ZNF20: variants seen among roughly 807,000 people sequenced by gnomAD.
ZNF20 encodes zinc finger protein KOX13.
In ZNF20, 9 loss-of-function variants were observed where a neutral mutation model predicts 11.0. That is an observed-to-expected ratio of 0.82 (90% CI 0.49 to 1.43). ZNF20 has a LOEUF of 1.43. Ranked by LOEUF, ZNF20 falls within the 40% of genes most tolerant of loss-of-function variation. The pLI is 0.00. For synonymous variants in ZNF20, 182 were observed against 213.0 expected (o/e 0.85, Z 1.27); for missense variants, 528 against 640.8 (o/e 0.82, Z 1.90).
chr19:12,134,739 G>C (rs1356106093), intron 3 of ZNF20, among the ~76,000 whole-genome samples: 1 of 152,152 alleles, frequency 6.6e-6, no homozygotes, highest in African/African-American at 2.4e-5. Context: ...TGCTCTGTCT[G>C]AATCATTTGA....
chr19:12,133,356 T>G lies in ZNF20; in HGVS notation c.830A>C (p.His277Pro). ...PSEIRRHKRS[H>P]TGEKPYECKQ... ...ACACTCATAGGGTTTTTCTCCAGTG[T>G]GAGACCTTTTATGTCTACGAATTTC... Residue 277 changes from histidine (H) to proline (P), a missense_variant, in exon 4 of 4, where the codon CAC becomes CCC. Transcript: ENST00000334213. 1 of 1,614,258 alleles carries G rather than the reference T, an allele frequency of 6.2e-7. No homozygotes were observed. Among genetic ancestry groups the G allele is most frequent in the South Asian group, 1.1e-5 (1 of 91,092 alleles).
In ZNF20 at chr19:12,133,179, T is replaced by C; in HGVS notation, c.1007A>G (p.Glu336Gly). 1 of 1,613,898 alleles carries C rather than the reference T, an allele frequency of 6.2e-7. No homozygotes were observed. The highest frequency in any genetic ancestry group is 8.5e-7 in the Non-Finnish European group (1 of 1,179,768). The change falls in exon 4 of 4, where the codon GAG (glutamate) becomes GGG (glycine). Residue 336 changes from glutamate (E) to glycine (G), a missense_variant. Glu to Gly is a moderately conservative substitution (Grantham distance 98). Coordinates refer to ENST00000334213, the MANE Select transcript of ZNF20 (RefSeq NM_021143.4). ...LQKHGRTHTG[E>G]KPYECRQCGK... ...ACATTGCCTACATTCATAGGGTTTC[T>C]CTCCAGTGTGAGTCCTTCCATGCTT...
At position 12,133,025 on chromosome 19, in the gene ZNF20, C is replaced by T. The variant is rs1976648895; in HGVS notation, c.1161G>A (p.Arg387=). The change falls in exon 4 of 4, where the codon AGG becomes AGA. Residue 387 remains arginine, a synonymous_variant. Transcript: ENST00000334213. ...RCASQLQIHE[R]THSGEKPHEC... is the part of the protein sequence containing the mutation. The stretch of plus-strand genomic sequence containing the variant: ...CATGGGGTTTCTCTCCACTGTGCGT[C>T]CTTTCATGAATTTGAAGTTGTGAAG... 6.2e-7 allele frequency: 1 copy of T among 1,613,910 alleles called. No individual in the cohort carries two copies. The highest frequency in any genetic ancestry group is 1.7e-5 in the Admixed American group (1 of 59,998).
chr19:12,133,711 G>A lies in ZNF20; in HGVS notation c.475C>T (p.Gln159Ter). 1 of 1,614,176 alleles carries A rather than the reference G, an allele frequency of 6.2e-7. No individual in the cohort carries two copies. The highest frequency in any genetic ancestry group is 8.5e-7 in the Non-Finnish European group (1 of 1,180,026). ...KKAFSYLDSF[Q>*]SHDKACTKEK... ...TTAGTGCAAGCTTTATCATGTGATT[G>A]AAAGGAGTCAAGATAACTGAAGGCT... The change falls in exon 4 of 4, where the codon CAA (glutamine) becomes TAA (stop). Residue 159 changes from glutamine to a stop codon, truncating the protein, a stop_gained. Coordinates refer to ENST00000334213, the MANE Select transcript of ZNF20 (RefSeq NM_021143.4). LOFTEE classifies it low-confidence loss of function (END_TRUNC).
Position 12,139,051 on chromosome 19 carries a change from T to C in ZNF20, c.3+1129A>G, listed in dbSNP as rs1022596569. ...AGCAGCAATTAGACTGAAGTGTGTTTAGTGCTATAAGAAACTACCTAAGGA... is the reference window on the plus strand; with the variant it reads ...AGCAGCAATTAGACTGAAGTGTGTTCAGTGCTATAAGAAACTACCTAAGGA... On this transcript the variant is annotated intron_variant, in intron 1 of 3. Coordinates refer to ENST00000334213, the MANE Select transcript of ZNF20 (RefSeq NM_021143.4). This position sits in a 1 kb window ranked among gnomAD's most constrained non-coding sequence, Gnocchi z 4.0. 3.9e-5 allele frequency among the ~76,000 whole-genome samples: 6 copies of C among 152,180 alleles called. No individual in the cohort carries two copies. The highest frequency in any genetic ancestry group is 2.0e-4 in the Admixed American group (3 of 15,268).
rs557009025 is a variant in ZNF20, at chr19:12,132,311, C to T, written c.*276G>A. ...AAGAATCAGGAAAATGGGCTGGAAG[C>T]GGGTAGCCACACACCTCTCTCCCTG... On this transcript the variant is annotated 3_prime_UTR_variant, in exon 4 of 4. Transcript: ENST00000334213. 93 of 359,486 alleles carry T rather than the reference C, an allele frequency of 2.6e-4. No homozygotes were observed. The highest frequency in any genetic ancestry group is 3.9e-4 in the Non-Finnish European group (79 of 200,624). The allele number at this position is 359,486 out of a possible 1,614,324, so 22.3% of individuals were successfully genotyped here. A position where few individuals can be genotyped will look rare whatever the true frequency, so the allele number is the denominator to read the frequency against.
intron 1 of ZNF20, among the ~76,000 whole-genome samples, chr19:12,138,845 T>C (rs1024167289): frequency 4.6e-5 from 7 of 151,946 alleles, no homozygotes; most frequent in Non-Finnish European, 1.0e-4. Flanking sequence ...TTGATAATAC[T>C]GTGAGTTGGA....
chr19:12,138,762 T>C (rs1976752755), intron 1 of ZNF20, among the ~76,000 whole-genome samples: 1 of 151,882 alleles, frequency 6.6e-6, no homozygotes, highest in African/African-American at 2.4e-5. Context: ...GAGGTTGCAA[T>C]GAGCCAAGAT....
At chr19:12,136,595 G>A (rs1441941216) in intron 1 of ZNF20, among the ~76,000 whole-genome samples, 4 of 151,988 alleles carry the variant, frequency 2.6e-5, no homozygotes, top group Admixed American at 2.0e-4. Context: ...GCTGAGGCAG[G>A]AGAATCACTT....
intron 3 of ZNF20, among the ~76,000 whole-genome samples, chr19:12,134,342 TA>T (rs1322772299): frequency 6.7e-6 from 1 of 148,744 alleles, no homozygotes; most frequent in African/African-American, 2.5e-5. Flanking sequence ...AATAAAAAAA[TA>T]AAAAAGTGAT....
chr19:12,139,902 G>A lies in ZNF20; in HGVS notation c.3+278C>T, dbSNP rs1230800765. Among the ~76,000 whole-genome samples the A allele has an allele frequency of 6.6e-6, 1 of 152,174 alleles. No individual in the cohort carries two copies. The highest frequency in any genetic ancestry group is 1.5e-5 in the Non-Finnish European group (1 of 68,022). ...TCCCGTGGTCCCCGCAAAATCTGAAGAGACGCGGGGCTGCAGGCGCGGAGC... is the reference window on the plus strand; with the variant it reads ...TCCCGTGGTCCCCGCAAAATCTGAAAAGACGCGGGGCTGCAGGCGCGGAGC... On this transcript the variant is annotated intron_variant, in intron 1 of 3. Transcript: ENST00000334213. This position sits in a 1 kb window ranked among gnomAD's most constrained non-coding sequence, Gnocchi z 4.0.
In ZNF20 at chr19:12,139,920, C is replaced by T. The variant is rs994913855; in HGVS notation, c.3+260G>A. ...ATCTGAAGAGACGCGGGGCTGCAGG[C>T]GCGGAGCTGCCCAGAGAGGGCTCCA... On this transcript the variant is annotated intron_variant, in intron 1 of 3. Transcript: ENST00000334213. This position sits in a 1 kb window ranked among gnomAD's most constrained non-coding sequence, Gnocchi z 4.0. 1.3e-5 allele frequency among the ~76,000 whole-genome samples: 2 copies of T among 152,168 alleles called. No homozygotes were observed. Among genetic ancestry groups the T allele is most frequent in the East Asian group, 3.9e-4 (2 of 5,174 alleles).
chr19:12,133,850 T>G lies in ZNF20; in HGVS notation c.336A>C (p.Glu112Asp), dbSNP rs974094280. 6.2e-7 allele frequency: 1 copy of G among 1,614,096 alleles called. No individual in the cohort carries two copies. The highest frequency in any genetic ancestry group is 8.5e-7 in the Non-Finnish European group (1 of 1,180,042). Reference sequence around the variant, plus strand: ...TAAGAGATGAATGACCCGTGCCAACTTCTCCACACACACTGCTTTCACATG... The same window carrying G: ...TAAGAGATGAATGACCCGTGCCAACGTCTCCACACACACTGCTTTCACATG... ...ITPCESSVCGEVGTGHSSLNT... is the reference protein window; with the variant it reads ...ITPCESSVCGDVGTGHSSLNT... Residue 112 changes from glutamate to aspartate, a missense_variant, in exon 4 of 4, where the codon GAA becomes GAC. Physicochemically the swap from Glu to Asp is conservative, Grantham distance 45. Coordinates refer to ENST00000334213, the MANE Select transcript of ZNF20 (RefSeq NM_021143.4).
At chr19:12,134,185 G>T (rs865848391) in intron 3 of ZNF20, among the ~76,000 whole-genome samples, 200 bp from the exon 4 acceptor site, 10 of 152,000 alleles carry the variant, frequency 6.6e-5, no homozygotes, top group South Asian at 2.1e-4. Context: ...TTAGCTGGGC[G>T]TGGTGGCAGG....
Position 12,139,626 on chromosome 19 carries a change from G to A in ZNF20, c.3+554C>T, listed in dbSNP as rs983681235. On this transcript the variant is annotated intron_variant, in intron 1 of 3. Transcript: ENST00000334213. This position sits in a 1 kb window ranked among gnomAD's most constrained non-coding sequence, Gnocchi z 4.0. ...GCTCACTGCAACCTTCGTCTCCTGGGGTCATGCGATTCTCCTGCTTCAGCC... is the reference window on the plus strand; with the variant it reads ...GCTCACTGCAACCTTCGTCTCCTGGAGTCATGCGATTCTCCTGCTTCAGCC... Among the ~76,000 whole-genome samples, 3 of 151,810 alleles carry A rather than the reference G, an allele frequency of 2.0e-5. No individual in the cohort carries two copies. Among genetic ancestry groups the A allele is most frequent in the Middle Eastern group, 3.4e-3 (1 of 294 alleles).
At position 12,139,060 on chromosome 19, in the gene ZNF20, A is replaced by C. The variant is rs144593190; in HGVS notation, c.3+1120T>G. Among the ~76,000 whole-genome samples, 1 of 152,214 alleles carries C rather than the reference A, an allele frequency of 6.6e-6. No individual in the cohort carries two copies. The highest frequency in any genetic ancestry group is 6.5e-5 in the Admixed American group (1 of 15,274). ...TAGACTGAAGTGTGTTTAGTGCTAT[A>C]AGAAACTACCTAAGGACACCAAAAT... On this transcript the variant is annotated intron_variant, in intron 1 of 3. Transcript: ENST00000334213. The surrounding 1 kb of genome is among the most constrained non-coding windows in gnomAD (Gnocchi z 4.0).
chr19:12,133,306 A>C lies in ZNF20; in HGVS notation c.880T>G (p.Ser294Ala). The change falls in exon 4 of 4, where the codon TCT becomes GCT. Residue 294 changes from serine to alanine, a missense_variant. Transcript: ENST00000334213. ...ECKQCGKVFISFSSIQYHKMT... is the reference protein window; with the variant it reads ...ECKQCGKVFIAFSSIQYHKMT... ...TTATGATACTGAATGGAACTGAAAG[A>C]AATGAAGACTTTCCCACATTGCTTA... 6.2e-7 allele frequency: 1 copy of C among 1,614,218 alleles called. No homozygotes were observed. Among genetic ancestry groups the C allele is most frequent in the Non-Finnish European group, 8.5e-7 (1 of 1,180,024 alleles).
At chr19:12,134,076 C>A (rs1474264360) in intron 3 of ZNF20, 91 bp from the exon 4 acceptor site, 5 of 1,142,834 alleles carry the variant, frequency 4.4e-6, no homozygotes, top group Admixed American at 5.4e-5. Context: ...GTAATCCCAG[C>A]ACTTTGGGAG....
At chr19:12,137,785 A>T (rs919141706) in intron 1 of ZNF20, 1 of 152,196 alleles carries the variant, frequency 6.6e-6, no homozygotes, top group Admixed American at 6.6e-5. Context: ...TGTTGAGATG[A>T]CTCTGCTGTG....
Sources: gnomAD v4.1 joint callset for allele counts (sites outside exome capture counted in the v4.1 genomes callset) on GRCh38, gnomAD v4.1.1 for gene constraint, Gnocchi (gnomAD v3.1) non-coding constraint, MANE v1.5 for transcripts, NCBI Gene and HGNC (gene_info 2026-07-23, HGNC 2026-07-21) for gene names.